The following CRACD variants were observed in gnomAD, a reference collection of about 807,000 sequenced individuals.
CRACD encodes the protein capping protein inhibiting regulator of actin dynamics.
In CRACD, 56 loss-of-function variants were observed where a neutral mutation model predicts 106.8. The observed-to-expected ratio is 0.52, with a 90% CI of 0.42 to 0.66. CRACD has a LOEUF of 0.66. Among genes scored for constraint, CRACD ranks in the 30% least tolerant of loss-of-function variants. The pLI is 0.00. For synonymous variants in CRACD, 754 were observed against 670.8 expected (o/e 1.12, Z -1.92); for missense variants, 1,730 against 1,623.2 (o/e 1.07, Z -1.13).
chr4:56,202,329 C>T (rs1737920281), intron 2 of CRACD, among the ~76,000 whole-genome samples: 1 of 152,148 alleles, frequency 6.6e-6, no homozygotes, highest in African/African-American at 2.4e-5. Context: ...CACTGGCAAC[C>T]ACCACCTCCC....
rs1190449951 is a variant in CRACD, at chr4:56,307,594, T to C, written c.180T>C (p.Asn60=). The change falls in exon 5 of 11, where the codon AAT becomes AAC. Residue 60 remains asparagine, a synonymous_variant. Transcript: ENST00000682029. ...GQRSPNAIPM[N]KANSGEASLE... ...GGTCACCCAATGCCATTCCCATGAATAAGGCAAACAGTGGAGAGGCTAGCT... is the reference window on the plus strand; with the variant it reads ...GGTCACCCAATGCCATTCCCATGAACAAGGCAAACAGTGGAGAGGCTAGCT... 2.5e-6 allele frequency: 4 copies of C among 1,614,084 alleles called. No homozygotes were observed. The highest frequency in any genetic ancestry group is 1.3e-5 in the African/African-American group (1 of 74,936).
intron 10 of CRACD, among the ~76,000 whole-genome samples, chr4:56,325,879 C>T (rs568506505): frequency 1.6e-4 from 24 of 152,222 alleles, no homozygotes; most frequent in Middle Eastern, 3.4e-3. Context: ...ACTGGTGACA[C>T]GGAGGGAAGC....
chr4:56,054,520 C>T (rs151134112), intron 1 of CRACD, among the ~76,000 whole-genome samples: 34 of 152,214 alleles, frequency 2.2e-4, no homozygotes, highest in East Asian at 9.6e-4. Flanking sequence ...GAGATAAGAA[C>T]GAAATCAATT....
In CRACD at chr4:56,315,544, G is replaced by GT. The variant is rs1278581449; in HGVS notation, c.2043dup (p.Asp682Ter). The GT allele has an allele frequency of 6.2e-7, 1 of 1,614,000 alleles. No homozygotes were observed. The highest frequency in any genetic ancestry group is 2.2e-5 in the East Asian group (1 of 44,874). On this transcript the variant is annotated frameshift_variant, in exon 8 of 11. Coordinates refer to ENST00000682029, the MANE Select transcript of CRACD (RefSeq NM_001393381.1). LOFTEE classifies it high-confidence loss of function. This position sits in a 1 kb window ranked among gnomAD's most constrained non-coding sequence, Gnocchi z 4.1. The stretch of plus-strand genomic sequence containing the variant: ...TCCAGAATCCTGAAGAACGCAGAGA[G>GT]TGACCCGCGCAGCAGCGAGAGGGAC...
rs574377847 is a variant in CRACD, at chr4:56,135,854, G to T, written c.-335-43430G>T. Among the ~76,000 whole-genome samples the T allele has an allele frequency of 3.3e-5, 5 of 152,242 alleles. No individual in the cohort carries two copies. In the East Asian group the frequency reaches 9.7e-4, roughly 29 times the overall value. ...CTCTTTTGAAACTAATAAGGAAACC[G>T]TCACCACAATTAATAGAAAGACTAT... On this transcript the variant is annotated intron_variant, in intron 1 of 10. Coordinates refer to ENST00000682029, the MANE Select transcript of CRACD (RefSeq NM_001393381.1).
chr4:56,135,813 T>G (rs112121849), intron 1 of CRACD, among the ~76,000 whole-genome samples: 1,572 of 152,294 alleles, frequency 0.01, 24 homozygotes, highest in African/African-American at 0.036. Flanking sequence ...GGAATAGACC[T>G]AAGCTGTACT....
chr4:56,240,246 C>T (rs1300802011), intron 2 of CRACD, among the ~76,000 whole-genome samples: 3 of 151,890 alleles, frequency 2.0e-5, no homozygotes, highest in Non-Finnish European at 4.4e-5. Context: ...CAAAAAACAC[C>T]GTGATAGAGA....
At chr4:56,214,412 G>T (rs988435415) in intron 2 of CRACD, among the ~76,000 whole-genome samples, 1 of 151,894 alleles carries the variant, frequency 6.6e-6, no homozygotes, top group African/African-American at 2.4e-5. Flanking sequence ...GGCCAACATG[G>T]TGAAAACTCA....
chr4:56,161,767 A>ATTTTTTTTTTT lies in CRACD; in HGVS notation c.-335-17513_-335-17503dup, dbSNP rs35832943. Among the ~76,000 whole-genome samples the ATTTTTTTTTTT allele has an allele frequency of 1.4e-5, 2 of 141,322 alleles. 1 individual carries two copies. The highest frequency in any genetic ancestry group is 5.2e-5 in the African/African-American group (2 of 38,374). The allele number at this position is 141,322 out of a possible 152,430, so 92.7% of individuals were successfully genotyped here. ...GAGCCACTGCACCTAGCCAAAGAGCATTTTTTTTTTTTTTGAGATGGAGTC... is the reference window on the plus strand; with the variant it reads ...GAGCCACTGCACCTAGCCAAAGAGCATTTTTTTTTTTTTTTTTTTTTTTTTGAGATGGAGTC... On this transcript the variant is annotated intron_variant, in intron 1 of 10. Coordinates refer to ENST00000682029, the MANE Select transcript of CRACD (RefSeq NM_001393381.1).
rs771063487 is a variant in CRACD at position 56,324,219 on chromosome 4, G to A, written c.3494G>A (p.Arg1165His). Residue 1165 changes from arginine to histidine, a missense_variant, in exon 10 of 11, where the codon CGC becomes CAC. Arg to His is a conservative substitution (Grantham distance 29, BLOSUM62 0). Transcript: ENST00000682029. ...RPETAVSRLE[R>H]REQLKKANTL... Reference sequence around the variant, plus strand: ...GAGACTGCAGTGTCCAGGCTTGAGCGCAGAGAACAGCTGAAAAAGGCCAAT... The same window carrying A: ...GAGACTGCAGTGTCCAGGCTTGAGCACAGAGAACAGCTGAAAAAGGCCAAT... The A allele has an allele frequency of 2.1e-5, 34 of 1,613,976 alleles. No homozygotes were observed. The highest frequency in any genetic ancestry group is 4.0e-5 in the African/African-American group (3 of 74,946).
Position 56,066,679 on chromosome 4 carries a change from A to T in CRACD, c.-336+17380A>T, listed in dbSNP as rs368369626. Among the ~76,000 whole-genome samples, 18 of 152,284 alleles carry T rather than the reference A, an allele frequency of 1.2e-4. No homozygotes were observed. The East Asian group carries it at 2.3e-3, about 20-fold the overall frequency. On this transcript the variant is annotated intron_variant, in intron 1 of 10. Transcript: ENST00000682029. ...GTGGTGACACTCCCTGGTAAACAGG[A>T]TTGTTCTGCTCTGGCCCTATATGTC...
intron 2 of CRACD, among the ~76,000 whole-genome samples, chr4:56,224,145 G>A (rs907337119): frequency 2.0e-5 from 3 of 146,930 alleles, no homozygotes; most frequent in Non-Finnish European, 4.5e-5. Context: ...AGTTTTCTTC[G>A]CTATTTTTTT....
chr4:56,150,864 C>G (rs1241580145), intron 1 of CRACD, among the ~76,000 whole-genome samples: 1 of 152,154 alleles, frequency 6.6e-6, no homozygotes, highest in African/African-American at 2.4e-5. Flanking sequence ...TCAAGAGATT[C>G]TCCAGGAGTG....
rs1162259819 is a variant in CRACD at position 56,289,472 on chromosome 4, G to C, written c.-16-8742G>C. On this transcript the variant is annotated intron_variant, in intron 3 of 10. Coordinates refer to ENST00000682029, the MANE Select transcript of CRACD (RefSeq NM_001393381.1). Reference sequence around the variant, plus strand: ...GGATCGCTTGAGCCCAGGAGTTTGAGACCAGCCTGGGCAACATGGCAAGAT... The same window carrying C: ...GGATCGCTTGAGCCCAGGAGTTTGACACCAGCCTGGGCAACATGGCAAGAT... 2.6e-5 allele frequency among the ~76,000 whole-genome samples: 4 copies of C among 152,198 alleles called. No individual in the cohort carries two copies. In the East Asian group the frequency reaches 5.8e-4, roughly 22 times the overall value.
intron 2 of CRACD, among the ~76,000 whole-genome samples, chr4:56,247,199 T>C (rs557668834): frequency 6.6e-6 from 1 of 152,238 alleles, no homozygotes; most frequent in South Asian, 2.1e-4. Flanking sequence ...CACTACAGCC[T>C]CTCCTTCTGC....
chr4:56,249,284 G>A (rs1481035581), intron 2 of CRACD, among the ~76,000 whole-genome samples: 1 of 147,086 alleles, frequency 6.8e-6, no homozygotes, highest in Admixed American at 6.9e-5. Flanking sequence ...GTGTGAGATG[G>A]TATCTCATTG....
chr4:56,079,165 T>C (rs2109806378), intron 1 of CRACD, among the ~76,000 whole-genome samples: 1 of 152,242 alleles, frequency 6.6e-6, no homozygotes, highest in African/African-American at 2.4e-5. Flanking sequence ...CACCATGCTG[T>C]CCCAGACACC....
At chr4:56,209,076 C>A (rs1247568696) in intron 2 of CRACD, among the ~76,000 whole-genome samples, 1 of 152,004 alleles carries the variant, frequency 6.6e-6, no homozygotes, top group African/African-American at 2.4e-5. Context: ...AAAGAGAAAA[C>A]CAAATTTTAC....
intron 2 of CRACD, 38 bp downstream of exon 2, chr4:56,179,468 T>A (rs12643797): frequency 1.3e-5 from 2 of 152,208 alleles, no homozygotes; most frequent in South Asian, 2.1e-4. Context: ...GGGAAGTAGC[T>A]TATGGAAAAA....
Sources: gnomAD v4.1 joint callset for allele counts (sites outside exome capture counted in the v4.1 genomes callset) on GRCh38, gnomAD v4.1.1 for gene constraint, Gnocchi (gnomAD v3.1) non-coding constraint, MANE v1.5 for transcripts, NCBI Gene and HGNC (gene_info 2026-07-23, HGNC 2026-07-21) for gene names.